The following ANO4 variants were observed in gnomAD, a reference collection of about 807,000 sequenced individuals.
The protein encoded by ANO4 is anoctamin 4, also known as anoctamin-4.
A neutral mutation model predicts 141.9 loss-of-function variants in ANO4; 69 were observed. The observed-to-expected ratio is 0.49, with a 90% CI of 0.40 to 0.59. The LOEUF (loss-of-function observed/expected upper bound fraction) is 0.59. Ranked by LOEUF, ANO4 falls within the 20% of genes least tolerant of loss-of-function variation. The pLI is 0.00. For synonymous variants in ANO4, 350 were observed against 394.3 expected (o/e 0.89, Z 1.33); for missense variants, 894 against 1,162.2 (o/e 0.77, Z 3.36).
intron 3 of ANO4, among the ~76,000 whole-genome samples, chr12:100,766,141 T>G (rs1449669500): frequency 6.6e-6 from 1 of 152,280 alleles, no homozygotes; most frequent in Admixed American, 6.5e-5. Context: ...TGTGCTTGGC[T>G]TATTTTACCT....
intron 24 of ANO4, among the ~76,000 whole-genome samples, chr12:101,116,240 C>G (rs1007814744): frequency 1.3e-5 from 2 of 152,118 alleles, no homozygotes; most frequent in African/African-American, 4.8e-5. Context: ...AGGACTGTAG[C>G]ATGGGATATG....
In ANO4 at chr12:100,752,397, T is replaced by A. The variant is rs181332741; in HGVS notation, c.358+12292T>A. Reference sequence around the variant, plus strand: ...ACACACACACAAACCTGAAAAAAAATTTAAGGAAATAATTCTTATTATTTA... The same window carrying A: ...ACACACACACAAACCTGAAAAAAAAATTAAGGAAATAATTCTTATTATTTA... On this transcript the variant is annotated intron_variant, in intron 3 of 29. Coordinates refer to the ANO4 transcript ENST00000644049. 1.1e-3 allele frequency among the ~76,000 whole-genome samples: 173 copies of A among 152,256 alleles called. 2 individuals are homozygous for A. Among genetic ancestry groups the A allele is most frequent in the Admixed American group, 0.011 (163 of 15,294 alleles).
chr12:100,786,928 A>G (rs994922908), intron 3 of ANO4, among the ~76,000 whole-genome samples: 2 of 152,210 alleles, frequency 1.3e-5, no homozygotes, highest in Admixed American at 6.5e-5. Flanking sequence ...TACACTGAGG[A>G]TCCATATGTA....
At chr12:100,940,538 A>G (rs1334419356) in intron 4 of ANO4, among the ~76,000 whole-genome samples, 1 of 152,026 alleles carries the variant, frequency 6.6e-6, no homozygotes, top group Non-Finnish European at 1.5e-5. Context: ...ATTCAGGTAG[A>G]CTCCTGAGTG....
chr12:100,821,428 A>C (rs1023406115), intron 1 of ANO4, among the ~76,000 whole-genome samples: 2 of 152,034 alleles, frequency 1.3e-5, no homozygotes, highest in African/African-American at 2.4e-5. Flanking sequence ...TTATTATTAA[A>C]AATCGATTTG....
At chr12:100,904,654 G>T (rs540066734) in intron 2 of ANO4, among the ~76,000 whole-genome samples, 1 of 152,104 alleles carries the variant, frequency 6.6e-6, no homozygotes, top group African/African-American at 2.4e-5. Flanking sequence ...AACTCAGTGA[G>T]GTTGTAGGGA....
intron 2 of ANO4, among the ~76,000 whole-genome samples, chr12:100,915,664 G>A (rs892550487): frequency 2.6e-5 from 4 of 152,104 alleles, no homozygotes; most frequent in African/African-American, 9.7e-5. Context: ...ATTTTGCAGA[G>A]AATGAATATA....
At chr12:101,087,793 C>T (rs756068674) in intron 17 of ANO4, among the ~76,000 whole-genome samples, 12 of 152,096 alleles carry the variant, frequency 7.9e-5, no homozygotes, top group African/African-American at 2.9e-4. Flanking sequence ...GACTAAAAGT[C>T]GTGGCATTCT....
intron 1 of ANO4, among the ~76,000 whole-genome samples, chr12:100,730,888 C>CT (rs2031354943): frequency 6.6e-6 from 1 of 152,226 alleles, no homozygotes; most frequent in African/African-American, 2.4e-5. Context: ...GCACTGGCCT[C>CT]TGAGAGCCAC....
intron 1 of ANO4, among the ~76,000 whole-genome samples, chr12:100,834,097 C>T (rs561161741): frequency 3.3e-5 from 5 of 152,058 alleles, no homozygotes; most frequent in Admixed American, 6.6e-5. Context: ...GGGTGAGAGA[C>T]GAGGAATCTG....
At chr12:100,937,895 C>G (rs879334840) in intron 3 of ANO4, among the ~76,000 whole-genome samples, 4 of 152,172 alleles carry the variant, frequency 2.6e-5, no homozygotes, top group African/African-American at 4.8e-5. Flanking sequence ...CCTCCCTCTT[C>G]TTAAGACCCT....
intron 8 of ANO4, among the ~76,000 whole-genome samples, chr12:100,992,636 A>G (rs1037614224): frequency 1.1e-4 from 17 of 152,142 alleles, no homozygotes; most frequent in African/African-American, 4.1e-4. Flanking sequence ...GAAATGCTAT[A>G]ATTATTTGAG....
At chr12:101,061,319 T>G (rs1444570431) in intron 14 of ANO4, among the ~76,000 whole-genome samples, 1 of 152,160 alleles carries the variant, frequency 6.6e-6, no homozygotes, top group African/African-American at 2.4e-5. Context: ...TAACACTTTT[T>G]TTTTTTCATT....
At chr12:100,971,855 TAA>T (rs35743193) in intron 6 of ANO4, among the ~76,000 whole-genome samples, 1 of 148,180 alleles carries the variant, frequency 6.7e-6, no homozygotes, top group Admixed American at 6.7e-5. Context: ...ATCTTCTTTT[TAA>T]AAAAAAAACA....
intron 1 of ANO4, among the ~76,000 whole-genome samples, chr12:100,796,259 A>C (rs1285931458): frequency 6.6e-6 from 1 of 152,172 alleles, no homozygotes; most frequent in Non-Finnish European, 1.5e-5. Context: ...TACTGAACTA[A>C]TACAATGTGA....
intron 1 of ANO4, among the ~76,000 whole-genome samples, chr12:100,834,435 T>A (rs1190014544): frequency 6.6e-6 from 1 of 152,108 alleles, no homozygotes; most frequent in East Asian, 1.9e-4. Flanking sequence ...TTCCCTACCA[T>A]TTTTACCCTT....
chr12:100,729,819 G>C (rs1002668831), intron 1 of ANO4, among the ~76,000 whole-genome samples: 2 of 152,142 alleles, frequency 1.3e-5, no homozygotes, highest in African/African-American at 4.8e-5. Flanking sequence ...TTTGCTCTTG[G>C]AGTCTTTTCA....
intron 4 of ANO4, among the ~76,000 whole-genome samples, chr12:100,940,591 A>T (rs2042469193): frequency 6.6e-6 from 1 of 152,348 alleles, no homozygotes; most frequent in African/African-American, 2.4e-5. Flanking sequence ...ATTGGTCATC[A>T]ATTGAAAATG....
chr12:101,051,615 C>T (rs1197750107), intron 14 of ANO4, among the ~76,000 whole-genome samples: 3 of 152,190 alleles, frequency 2.0e-5, no homozygotes, highest in Non-Finnish European at 2.9e-5. Context: ...TTACTATGTA[C>T]TAAATGCAGT....
Sources: gnomAD v4.1 joint callset for allele counts (sites outside exome capture counted in the v4.1 genomes callset) on GRCh38, gnomAD v4.1.1 for gene constraint, MANE v1.5 for transcripts, NCBI Gene and HGNC (gene_info 2026-07-23, HGNC 2026-07-21) for gene names.